C7: variants seen among roughly 807,000 people sequenced by gnomAD.
C7 encodes the protein complement C7, also known as complement component C7.
In C7, 83 loss-of-function variants were observed where a neutral mutation model predicts 104.8. The observed-to-expected ratio is 0.79, with a 90% CI of 0.66 to 0.95. The LOEUF (loss-of-function observed/expected upper bound fraction) is 0.95, where lower values mean the gene tolerates loss of function less well. Among genes scored for constraint, C7 ranks in the 40% least tolerant of loss-of-function variants. The pLI is 0.00. For synonymous variants in C7, 415 were observed against 360.6 expected (o/e 1.15, Z -1.71); for missense variants, 1,070 against 1,011.2 (o/e 1.06, Z -0.79).
At chr5:40,979,619 T>A in intron 16 of C7, 106 bp from the exon 17 acceptor site, 1 of 702,072 alleles carries the variant, frequency 1.4e-6, no homozygotes, top group Non-Finnish European at 2.1e-6. Flanking sequence ...TTACTGTGGG[T>A]GATAACATCT....
intron 1 of C7, among the ~76,000 whole-genome samples, chr5:40,911,451 G>A (rs1739205476): frequency 6.6e-6 from 1 of 152,194 alleles, no homozygotes; most frequent in Non-Finnish European, 1.5e-5. Flanking sequence ...AGGGACAAGG[G>A]ACTTCCCTCG....
chr5:40,972,166 T>C (rs1740711165), intron 14 of C7: 1 of 565,260 alleles, frequency 1.8e-6, no homozygotes. Context: ...TCACATTGTT[T>C]TGAGGGGAGG....
At chr5:40,973,863 A>T (rs375176353) in intron 15 of C7, among the ~76,000 whole-genome samples, 1 of 152,214 alleles carries the variant, frequency 6.6e-6, no homozygotes, top group Admixed American at 6.5e-5. Context: ...AGTTTCATTT[A>T]CCCAGTAGAA....
At position 40,982,714 on chromosome 5, in the gene C7, C is replaced by T. The variant is rs1420683488; in HGVS notation, c.*1141C>T. ...ACAGTCCCAGAGTTTTCAGGGAGTA[C>T]ACAGGTAGATTAGTTTGAAGCATTG... On this transcript the variant is annotated 3_prime_UTR_variant, in exon 18 of 18. Coordinates refer to ENST00000313164, the MANE Select transcript of C7 (RefSeq NM_000587.4). 2 of 152,336 alleles carry T rather than the reference C, an allele frequency of 1.3e-5. No individual in the cohort carries two copies. Among genetic ancestry groups the T allele is most frequent in the African/African-American group, 4.8e-5 (2 of 41,462 alleles). 9.4% of individuals were successfully genotyped at this position (152,336 alleles called of 1,614,324 possible). A position where few individuals can be genotyped will look rare whatever the true frequency, so the allele number is the denominator to read the frequency against.
intron 1 of C7, among the ~76,000 whole-genome samples, chr5:40,917,652 T>C (rs1406578487): frequency 3.3e-5 from 5 of 152,218 alleles, no homozygotes; most frequent in Admixed American, 1.3e-4. Flanking sequence ...CTGTAGGGGA[T>C]TGCTGAATCA....
In C7 at chr5:40,923,218, A is replaced by C. The variant is rs186637623; in HGVS notation, c.7-5362A>C. Among the ~76,000 whole-genome samples the C allele has an allele frequency of 2.4e-3, 368 of 152,334 alleles. 1 individual carries two copies. Among genetic ancestry groups the C allele is most frequent in the Admixed American group, 5.3e-3 (81 of 15,302 alleles). On this transcript the variant is annotated intron_variant, in intron 1 of 17. Transcript: ENST00000313164. ...CATACAAATGGCTAACAGGTATATG[A>C]AAAAATGCTCAATATCACTAATTGT...
intron 11 of C7, among the ~76,000 whole-genome samples, chr5:40,958,638 T>C (rs992558519): frequency 2.6e-5 from 4 of 152,226 alleles, no homozygotes; most frequent in Non-Finnish European, 5.9e-5. Context: ...ACATTTCTAT[T>C]TCTATTCTGT....
rs369717160 is a variant in C7 at position 40,969,275 on chromosome 5, T to C, written c.1883-3128T>C. ...TCAAACATTTATGTTTACTGTTTTA[T>C]ATTTTCTAATTCTCTGTTGTAATTC... On this transcript the variant is annotated intron_variant, in intron 14 of 17. Transcript: ENST00000313164. 4.6e-5 allele frequency among the ~76,000 whole-genome samples: 7 copies of C among 152,336 alleles called. No homozygotes were observed. The South Asian group carries it at 1.5e-3, about 32-fold the overall frequency.
intron 6 of C7, among the ~76,000 whole-genome samples, chr5:40,941,364 C>T (rs1431186763): frequency 2.6e-5 from 4 of 151,996 alleles, no homozygotes; most frequent in African/African-American, 4.8e-5. Flanking sequence ...GACCCTGGCC[C>T]GAGGAGCACT....
Position 40,934,452 on chromosome 5 carries a change from T to G in C7, c.266T>G (p.Phe89Cys). 3 of 1,613,738 alleles carry G rather than the reference T, an allele frequency of 1.9e-6. No homozygotes were observed. Among genetic ancestry groups the G allele is most frequent in the Non-Finnish European group, 2.5e-6 (3 of 1,179,678 alleles). Residue 89 changes from phenylalanine (F) to cysteine (C), a missense_variant, in exon 4 of 18, where the codon TTC (phenylalanine) becomes TGC (cysteine). Transcript: ENST00000313164. ...ACAGAGGAGGGATGTGGAGAGCGTT[T>G]CAGGTGCTTTTCAGGTAACTTGTTT... ...CPTEEGCGER[F>C]RCFSGQCISK...
chr5:40,979,536 T>A (rs1025504925), intron 16 of C7, among the ~76,000 whole-genome samples, 189 bp from the exon 17 acceptor site: 1 of 151,938 alleles, frequency 6.6e-6, no homozygotes, highest in Non-Finnish European at 1.5e-5. Flanking sequence ...AATACAAATA[T>A]CTTCATTTTG....
At chr5:40,971,978 T>C (rs751458260) in intron 14 of C7, 10 of 422,076 alleles carry the variant, frequency 2.4e-5, no homozygotes, top group South Asian at 1.8e-4. Flanking sequence ...AATAAATAAA[T>C]AAATAAAAGT....
chr5:40,939,261 A>G (rs1280558067), intron 6 of C7, among the ~76,000 whole-genome samples: 1 of 152,246 alleles, frequency 6.6e-6, no homozygotes, highest in Admixed American at 6.5e-5. Flanking sequence ...AATGAGAAGT[A>G]AAACAGATCT....
At chr5:40,973,946 G>T (rs1480838235) in intron 15 of C7, among the ~76,000 whole-genome samples, 1 of 152,160 alleles carries the variant, frequency 6.6e-6, no homozygotes, top group African/African-American at 2.4e-5. Flanking sequence ...GTGAATAACA[G>T]TAACTACTTC....
intron 1 of C7, among the ~76,000 whole-genome samples, chr5:40,922,525 C>T (rs893735135): frequency 6.6e-6 from 1 of 150,912 alleles, no homozygotes; most frequent in Non-Finnish European, 1.5e-5. Flanking sequence ...CATGGTGAAA[C>T]CCCGTCTCTA....
intron 14 of C7, among the ~76,000 whole-genome samples, chr5:40,965,619 T>C (rs12697416): frequency 0.78 from 115,457 of 148,500 alleles, 44,967 homozygotes; most frequent in East Asian, 0.93. Context: ...CAGTGGTGAG[T>C]GTATAGTGAT....
Position 40,936,380 on chromosome 5 carries a change from A to C in C7, c.323A>C (p.Asp108Ala). Residue 108 changes from aspartate (D) to alanine (A), a missense_variant, in exon 5 of 18, where the codon GAC becomes GCC. By Grantham distance (126) the Asp-to-Ala change is moderately radical. Coordinates refer to ENST00000313164, the MANE Select transcript of C7 (RefSeq NM_000587.4). ...TCATTGGTTTGCAATGGGGATTCTG[A>C]CTGTGATGAAGACAGTGCTGATGAA... is the stretch of plus-strand genomic sequence containing the variant. ...SKSLVCNGDSDCDEDSADEDR... is the reference protein window; with the variant it reads ...SKSLVCNGDSACDEDSADEDR... 3.1e-6 allele frequency: 5 copies of C among 1,613,374 alleles called. No homozygotes were observed. Among genetic ancestry groups the C allele is most frequent in the Non-Finnish European group, 4.2e-6 (5 of 1,179,488 alleles).
At chr5:40,949,721 A>G (rs1172526796) in intron 8 of C7, among the ~76,000 whole-genome samples, 183 bp from the exon 9 acceptor site, 3 of 152,188 alleles carry the variant, frequency 2.0e-5, no homozygotes, top group African/African-American at 7.2e-5. Context: ...TAGAAGGAAA[A>G]TAACAAAAGT....
rs778961009 is a variant in C7 at position 40,979,837 on chromosome 5, A to G, written c.2278A>G (p.Arg760Gly). Residue 760 changes from arginine (R) to glycine (G), a missense_variant, in exon 17 of 18, where the codon AGG becomes GGG. Coordinates refer to ENST00000313164, the MANE Select transcript of C7 (RefSeq NM_000587.4). Reference sequence around the variant, plus strand: ...GGGTAGAAATTACACCCTTACTGGTAGGGACAGCTGTACTCTGCCTGCCTC... The same window carrying G: ...GGGTAGAAATTACACCCTTACTGGTGGGGACAGCTGTACTCTGCCTGCCTC... ...CQGRNYTLTG[R>G]DSCTLPASAE... 4 of 1,613,564 alleles carry G rather than the reference A, an allele frequency of 2.5e-6. No individual in the cohort carries two copies. In the South Asian group the frequency reaches 4.4e-5, roughly 18 times the overall value.
Sources: allele counts gnomAD v4.1 joint callset (sites outside exome capture counted in the v4.1 genomes callset), GRCh38; gene constraint gnomAD v4.1.1; transcripts MANE v1.5; gene names NCBI Gene and HGNC (gene_info 2026-07-23, HGNC 2026-07-21).